TRRAP: variants seen among roughly 807,000 people sequenced by gnomAD.
TRRAP encodes the protein transformation/transcription domain-associated protein.
A neutral mutation model predicts 438.8 loss-of-function variants in TRRAP; 41 were observed. The observed-to-expected ratio is 0.09, with a 90% confidence interval of 0.07 to 0.12. The LOEUF is 0.12. Ranked by LOEUF, TRRAP falls within the 10% of genes least tolerant of loss-of-function variation. The pLI is 1.00. For missense variants in TRRAP, 3,122 were observed against 5,055.1 expected (o/e 0.62, Z 11.60); for synonymous variants, 1,994 against 1,962.9 (o/e 1.02, Z -0.42).
rs1295001261 is a variant in TRRAP, at chr7:99,001,471, G to A, written c.10310-2719G>A. 4.6e-5 allele frequency among the ~76,000 whole-genome samples: 7 copies of A among 152,300 alleles called. No homozygotes were observed. In the East Asian group the frequency reaches 1.3e-3, roughly 29 times the overall value. ...ATTCAGCATGCTTTTATCTTAAAAT[G>A]TCCACATTATTAAATCAAAAAAGTA... is the stretch of plus-strand genomic sequence containing the variant. On this transcript the variant is annotated intron_variant, in intron 67 of 72. Transcript: ENST00000456197.
Position 98,970,430 on chromosome 7 carries a change from C to T in TRRAP, c.7692+139C>T. The T allele has an allele frequency of 3.6e-6, 4 of 1,099,386 alleles. No individual in the cohort carries two copies. In the Admixed American group the frequency reaches 8.1e-5, roughly 22 times the overall value. 68.1% of individuals were successfully genotyped at this position (1,099,386 alleles called of 1,614,324 possible). The stretch of plus-strand genomic sequence containing the variant: ...AGAGGAGGTGAGGCCCCGCGCCCCA[C>T]GGGCAGAATCCCAGAGGAGTGGAGG... On this transcript the variant is annotated intron_variant, in intron 52 of 72. Transcript: ENST00000456197.
intron 38 of TRRAP, among the ~76,000 whole-genome samples, 178 bp downstream of exon 38, chr7:98,950,440 TGAGCTCAGGAGTTGGAGGCTGCACC>T (rs1791282663): frequency 6.6e-6 from 1 of 152,078 alleles, no homozygotes; most frequent in Non-Finnish European, 1.5e-5. Flanking sequence ...GAGGATTGCT[TGAGCTCAGGAGTTGGAGGCTGCACC>T]GAGCTATAAT....
chr7:99,000,149 A>T (rs763056657), intron 67 of TRRAP, among the ~76,000 whole-genome samples: 1 of 152,140 alleles, frequency 6.6e-6, no homozygotes, highest in Non-Finnish European at 1.5e-5. Context: ...CTGGGATTAC[A>T]GGTGCACGTG....
chr7:98,931,300 C>T (rs1286874486), intron 25 of TRRAP, 105 bp from the exon 26 acceptor site: 4 of 1,505,876 alleles, frequency 2.7e-6, no homozygotes. Context: ...GCGAGAAGGG[C>T]ATGGACCCCA....
intron 19 of TRRAP, among the ~76,000 whole-genome samples, chr7:98,916,501 C>G (rs903561746): frequency 1.3e-5 from 2 of 152,110 alleles, no homozygotes; most frequent in Admixed American, 6.5e-5. Flanking sequence ...AGGGATTGAC[C>G]CTTCTCATGT....
At position 98,948,878 on chromosome 7, in the gene TRRAP, A is replaced by G. The variant is rs576564014; in HGVS notation, c.4788+193A>G. On this transcript the variant is annotated intron_variant, in intron 35 of 72. Transcript: ENST00000456197. The surrounding 1 kb of genome is among the most constrained non-coding windows in gnomAD (Gnocchi z 4.9). ...TGCAGGTCTAGGAACCACTCTTTAT[A>G]GGACTTTGGTGGTGGTAGCAAATAA... Among the ~76,000 whole-genome samples the G allele has an allele frequency of 1.1e-4, 17 of 152,284 alleles. No homozygotes were observed. Among genetic ancestry groups the G allele is most frequent in the Admixed American group, 5.2e-4 (8 of 15,294 alleles).
intron 53 of TRRAP, 81 bp downstream of exon 53, chr7:98,972,026 G>C (rs930832544): frequency 6.7e-7 from 1 of 1,491,720 alleles, no homozygotes; most frequent in Non-Finnish European, 8.9e-7. Flanking sequence ...TTCCACAGCA[G>C]TGTAACTTTT....
In TRRAP at chr7:98,908,835, A is replaced by G. The variant is rs782557691; in HGVS notation, c.1223A>G (p.Asp408Gly). ...AVQLFAKNID[D>G]ESLPSSIQTM... is the part of the protein sequence containing the mutation. ...CAGCTCTTCGCCAAGAACATCGACG[A>G]TGAGTCCCTGCCCAGCAGCATCCAG... Residue 408 changes from aspartate to glycine, a missense_variant, in exon 14 of 73, where the codon GAT becomes GGT. By Grantham distance (94) the Asp-to-Gly change is moderately conservative (BLOSUM62 -1). Transcript: ENST00000456197. This position sits in a 1 kb window ranked among gnomAD's most constrained non-coding sequence, Gnocchi z 4.1. The G allele has an allele frequency of 1.2e-6, 2 of 1,613,276 alleles. No individual in the cohort carries two copies. Among genetic ancestry groups the G allele is most frequent in the Admixed American group, 1.7e-5 (1 of 59,920 alleles).
In TRRAP at chr7:98,897,725, T is replaced by C; in HGVS notation, c.508-16T>C. The C allele has an allele frequency of 1.9e-6, 3 of 1,602,948 alleles. No homozygotes were observed. The highest frequency in any genetic ancestry group is 2.6e-6 in the Non-Finnish European group (3 of 1,176,052). ...GTTTGACTTTAGGAAAAAATATTTT[T>C]ATGACTTTTATGTAGAACCGCTACT... On this transcript the variant is annotated splice_polypyrimidine_tract_variant and intron_variant, in intron 7 of 72. Coordinates refer to ENST00000456197, the MANE Select transcript of TRRAP (RefSeq NM_001375524.1).
chr7:98,959,937 A>G (rs182967476), intron 45 of TRRAP, among the ~76,000 whole-genome samples: 11,129 of 115,816 alleles, frequency 0.096, 1,235 homozygotes, highest in African/African-American at 0.38. Flanking sequence ...CTGGTCTCTT[A>G]AAAAAAAAAA....
intron 67 of TRRAP, among the ~76,000 whole-genome samples, chr7:98,995,836 C>T (rs1447818020): frequency 6.6e-6 from 1 of 151,734 alleles, no homozygotes; most frequent in Admixed American, 6.6e-5. Flanking sequence ...ACTCTTGTCC[C>T]ATCATAGACA....
rs1019383050 is a variant in TRRAP, at chr7:98,929,096, G to A, written c.3176-893G>A. Among the ~76,000 whole-genome samples, 54 of 151,778 alleles carry A rather than the reference G, an allele frequency of 3.6e-4. 1 individual carries two copies. Among genetic ancestry groups the A allele is most frequent in the Admixed American group, 3.4e-3 (52 of 15,226 alleles). On this transcript the variant is annotated intron_variant, in intron 23 of 72. Transcript: ENST00000456197. Reference sequence around the variant, plus strand: ...TGGGATTACAGGCACCTACCACCACGCCCGGGTAATTTTTTTGGTATTTTT... The same window carrying A: ...TGGGATTACAGGCACCTACCACCACACCCGGGTAATTTTTTTGGTATTTTT...
intron 21 of TRRAP, among the ~76,000 whole-genome samples, chr7:98,923,598 C>T (rs1789900370): frequency 6.6e-6 from 1 of 152,186 alleles, no homozygotes; most frequent in Non-Finnish European, 1.5e-5. Flanking sequence ...TAGAAAGTAC[C>T]ACCATTTACA....
At chr7:98,929,014 T>A (rs1790195402) in intron 23 of TRRAP, among the ~76,000 whole-genome samples, 1 of 151,456 alleles carries the variant, frequency 6.6e-6, no homozygotes. Flanking sequence ...CTCAGCTCAC[T>A]GCAACCTCTG....
At chr7:98,991,676 C>T (rs912229086) in intron 64 of TRRAP, among the ~76,000 whole-genome samples, 2 of 152,226 alleles carry the variant, frequency 1.3e-5, no homozygotes, top group African/African-American at 4.8e-5. Context: ...TTAACTGAAA[C>T]GGACATCCCT....
chr7:98,977,834 G>A (rs1238327058), intron 56 of TRRAP, among the ~76,000 whole-genome samples: 5 of 152,238 alleles, frequency 3.3e-5, no homozygotes, highest in Admixed American at 1.3e-4. Flanking sequence ...CGTCTGGACA[G>A]CCTCTCCTCC....
rs1554419858 is a variant in TRRAP at position 98,956,525 on chromosome 7, A to G, written c.6223A>G (p.Ile2075Val). The G allele has an allele frequency of 1.2e-6, 2 of 1,613,882 alleles. No homozygotes were observed. The highest frequency in any genetic ancestry group is 2.2e-5 in the East Asian group (1 of 44,868). The change falls in exon 43 of 73, where the codon ATC becomes GTC. Residue 2075 changes from isoleucine (I) to valine (V), a missense_variant. By Grantham distance (29) the Ile-to-Val change is conservative. Around this residue, in one of 24 missense-constraint regions of TRRAP, gnomAD observed 992 missense variants for 1,281.2 expected, o/e 0.77. Transcript: ENST00000456197. The surrounding 1 kb of genome is among the most constrained non-coding windows in gnomAD (Gnocchi z 4.5). ...ACGCTTTAGGACGGCCACCGGAGCC[A>G]TCAGTGCAGTAAGATCATGTGCCTC... ...VKRFRTATGAISAVFGRSQSL... is the reference protein window; with the variant it reads ...VKRFRTATGAVSAVFGRSQSL...
chr7:98,930,648 C>T lies in TRRAP; in HGVS notation c.3409C>T (p.Leu1137=). ...GSKERACQLP[L]FSYIVERLCA... Reference sequence around the variant, plus strand: ...TCCTCTCCAGGCCTGCCAGCTGCCCCTGTTTTCTTACATCGTGGAGCGCCT... The same window carrying T: ...TCCTCTCCAGGCCTGCCAGCTGCCCTTGTTTTCTTACATCGTGGAGCGCCT... Residue 1137 remains leucine, a synonymous_variant, in exon 25 of 73, where the codon CTG becomes TTG. Transcript: ENST00000456197. 1 of 1,613,830 alleles carries T rather than the reference C, an allele frequency of 6.2e-7. No individual in the cohort carries two copies. Among genetic ancestry groups the T allele is most frequent in the Non-Finnish European group, 8.5e-7 (1 of 1,180,012 alleles).
chr7:98,988,151 C>G (rs181130036), intron 62 of TRRAP, among the ~76,000 whole-genome samples: 7 of 152,218 alleles, frequency 4.6e-5, no homozygotes, highest in Admixed American at 2.0e-4. Context: ...GTCTGAAGTT[C>G]CCTTGCTATG....
Sources: gnomAD v4.1 joint callset for allele counts (sites outside exome capture counted in the v4.1 genomes callset) on GRCh38, gnomAD v4.1.1 for gene constraint, gnomAD v4.1.1 regional missense constraint, Gnocchi (gnomAD v3.1) non-coding constraint, MANE v1.5 for transcripts, NCBI Gene and HGNC (gene_info 2026-07-23, HGNC 2026-07-21) for gene names.